Variants in COL25A1 observed in about 807,000 individuals in gnomAD.
COL25A1 encodes collagen type XXV alpha 1 chain.
In COL25A1, 103 loss-of-function variants were observed where a neutral mutation model predicts 128.4. That is an observed-to-expected ratio of 0.80 (90% CI 0.68 to 0.94). The LOEUF (loss-of-function observed/expected upper bound fraction) is 0.94, where lower values mean the gene tolerates loss of function less well. Among genes scored for constraint, COL25A1 ranks in the 40% least tolerant of loss-of-function variants. COL25A1 has a pLI of 0.00. For missense variants in COL25A1, 745 were observed against 840.0 expected (o/e 0.89, Z 1.40); for synonymous variants, 279 against 277.2 (o/e 1.01, Z -0.06).
At chr4:109,240,042 T>A (rs2126230208) in intron 3 of COL25A1, among the ~76,000 whole-genome samples, 1 of 152,176 alleles carries the variant, frequency 6.6e-6, no homozygotes, top group Admixed American at 6.6e-5. Context: ...GGAGCTGTCA[T>A]CTCTTGTGAT....
intron 3 of COL25A1, among the ~76,000 whole-genome samples, chr4:109,158,088 T>C (rs1323522566): frequency 6.6e-6 from 1 of 152,242 alleles, no homozygotes; most frequent in Non-Finnish European, 1.5e-5. Flanking sequence ...TTTCCCTGTA[T>C]ATTCCTGTAA....
chr4:109,255,849 G>A (rs192287240), intron 3 of COL25A1, among the ~76,000 whole-genome samples: 1 of 152,260 alleles, frequency 6.6e-6, no homozygotes, highest in Non-Finnish European at 1.5e-5. Context: ...TTTGAGTTTA[G>A]AATGTTTCAA....
At chr4:108,872,524 A>AC (rs1197371073) in intron 19 of COL25A1, among the ~76,000 whole-genome samples, 3 of 152,158 alleles carry the variant, frequency 2.0e-5, no homozygotes, top group Admixed American at 6.5e-5. Context: ...GCTAAGAAAA[A>AC]TATCAACAAT....
intron 3 of COL25A1, among the ~76,000 whole-genome samples, chr4:109,252,854 A>G (rs1429161545): frequency 1.3e-5 from 2 of 152,198 alleles, no homozygotes; most frequent in Non-Finnish European, 2.9e-5. Context: ...GCCCACTTTC[A>G]CATGGTGCCT....
chr4:109,288,692 T>A (rs528391844), intron 3 of COL25A1, among the ~76,000 whole-genome samples: 4 of 152,220 alleles, frequency 2.6e-5, no homozygotes, highest in Middle Eastern at 3.4e-3. Context: ...TCTTCCAAAG[T>A]GGTGTCTGCC....
chr4:108,960,440 G>A (rs765694110), intron 8 of COL25A1, among the ~76,000 whole-genome samples: 19 of 152,036 alleles, frequency 1.2e-4, no homozygotes, highest in Non-Finnish European at 2.2e-4. Context: ...AATTTTTGGT[G>A]TTCAAAACAT....
At chr4:108,873,050 G>A (rs1216062489) in intron 19 of COL25A1, among the ~76,000 whole-genome samples, 3 of 151,806 alleles carry the variant, frequency 2.0e-5, no homozygotes, top group Non-Finnish European at 2.9e-5. Context: ...GCATCACCAC[G>A]CCTGGCTAAT....
At chr4:108,989,018 G>A (rs1753923889) in intron 6 of COL25A1, among the ~76,000 whole-genome samples, 1 of 152,166 alleles carries the variant, frequency 6.6e-6, no homozygotes, top group South Asian at 2.1e-4. Flanking sequence ...CCAGGACTCT[G>A]CCTACTGACC....
chr4:109,078,080 T>C (rs376447770), intron 3 of COL25A1, among the ~76,000 whole-genome samples: 54 of 152,318 alleles, frequency 3.5e-4, no homozygotes, highest in African/African-American at 1.2e-3. Context: ...GCCTCTTGAC[T>C]TGTTTGTCTT....
chr4:108,956,121 A>C (rs1413613066), intron 8 of COL25A1, among the ~76,000 whole-genome samples: 1 of 152,180 alleles, frequency 6.6e-6, no homozygotes, highest in Non-Finnish European at 1.5e-5. Context: ...TAAGATGAGA[A>C]TATATTATTA....
chr4:109,178,416 T>C (rs1274863015), intron 3 of COL25A1, among the ~76,000 whole-genome samples: 1 of 152,180 alleles, frequency 6.6e-6, no homozygotes, highest in Non-Finnish European at 1.5e-5. Flanking sequence ...AAAGAGCACT[T>C]GAACTAAATG....
At chr4:108,844,625 C>CATTTAGAT in intron 29 of COL25A1, 56 bp from the exon 30 acceptor site, 2 of 1,571,666 alleles carry the variant, frequency 1.3e-6, no homozygotes, top group African/African-American at 1.4e-5. Context: ...TAAGGCAGTT[C>CATTTAGAT]AACTTGAATC....
intron 3 of COL25A1, among the ~76,000 whole-genome samples, chr4:109,136,675 A>G (rs1379701861): frequency 6.6e-6 from 1 of 152,174 alleles, no homozygotes. Context: ...CCAACTAGAG[A>G]GATGGGTAGT....
intron 3 of COL25A1, among the ~76,000 whole-genome samples, chr4:109,219,555 C>G (rs1036403674): frequency 1.3e-4 from 20 of 151,986 alleles, no homozygotes; most frequent in Non-Finnish European, 2.8e-4. Flanking sequence ...TCACCCCCCA[C>G]AAAAGAAACA....
intron 3 of COL25A1, among the ~76,000 whole-genome samples, chr4:109,086,739 A>G (rs1408979153): frequency 6.6e-6 from 1 of 152,130 alleles, no homozygotes; most frequent in Non-Finnish European, 1.5e-5. Context: ...CTGGCTATTC[A>G]ATTAAAACTC....
intron 3 of COL25A1, among the ~76,000 whole-genome samples, chr4:109,194,516 A>T (rs1425954800): frequency 6.6e-6 from 1 of 152,196 alleles, no homozygotes; most frequent in Admixed American, 6.5e-5. Flanking sequence ...AATAAAGCAG[A>T]TGTCATCCTT....
intron 3 of COL25A1, among the ~76,000 whole-genome samples, chr4:109,138,675 TTGTTTTTTG>T (rs1190494834): frequency 1.3e-5 from 2 of 151,980 alleles, no homozygotes; most frequent in Non-Finnish European, 2.9e-5. Context: ...TTGGTTGTTG[TTGTTTTTTG>T]TTTTTGTTTT....
rs76755073 is a variant in COL25A1 at position 109,220,514 on chromosome 4, T to A, written c.367+80069A>T. On this transcript the variant is annotated intron_variant, in intron 3 of 37. Coordinates refer to ENST00000399132, the MANE Select transcript of COL25A1 (RefSeq NM_198721.4). ...TTTTAATAACATTATTTAATGAAGA[T>A]CTGAAGACCGGACTAATTCTATCAT... 0.013 allele frequency among the ~76,000 whole-genome samples: 1,975 copies of A among 152,294 alleles called. 77 individuals carry two copies. In the South Asian group the frequency reaches 0.14, roughly 11 times the overall value.
intron 16 of COL25A1, among the ~76,000 whole-genome samples, chr4:108,895,049 C>T (rs1199834390): frequency 1.3e-5 from 2 of 152,018 alleles, no homozygotes; most frequent in Admixed American, 6.6e-5. Context: ...TTATCTGGCC[C>T]CAAATGTCAA....
Sources: gnomAD v4.1 joint callset for allele counts (sites outside exome capture counted in the v4.1 genomes callset) on GRCh38, gnomAD v4.1.1 for gene constraint, MANE v1.5 for transcripts, NCBI Gene and HGNC (gene_info 2026-07-23, HGNC 2026-07-21) for gene names.